Variants in DNAH14 observed in about 807,000 individuals in gnomAD.
The protein encoded by DNAH14 is dynein axonemal heavy chain 14.
A neutral mutation model predicts 520.9 loss-of-function variants in DNAH14; 478 were observed. That is an observed-to-expected ratio of 0.92 (90% CI 0.85 to 0.99). DNAH14 has a LOEUF of 0.99. Ranked by LOEUF, DNAH14 falls within the 50% of genes least tolerant of loss-of-function variation. The probability of loss-of-function intolerance (pLI) is 0.00; values close to 1 mark genes in which losing one functional copy is unlikely to be tolerated. For synonymous variants in DNAH14, 1,581 were observed against 1,757.2 expected (o/e 0.90, Z 2.51); for missense variants, 4,831 against 5,234.5 (o/e 0.92, Z 2.38).
intron 55 of DNAH14, 47 bp from the exon 56 acceptor site, chr1:225,300,822 T>C (rs1428186943): frequency 1.4e-5 from 22 of 1,523,072 alleles, no homozygotes; most frequent in Non-Finnish European, 1.6e-5. Context: ...TAGGGTAGAA[T>C]ATATGAATAA....
chr1:225,154,573 A>G (rs2080847893), intron 34 of DNAH14, among the ~76,000 whole-genome samples: 1 of 152,092 alleles, frequency 6.6e-6, no homozygotes, highest in Non-Finnish European at 1.5e-5. Flanking sequence ...GGCATTTATT[A>G]TATCAAAAAT....
chr1:225,144,708 C>T, intron 29 of DNAH14, 80 bp downstream of exon 29: 1 of 1,105,580 alleles, frequency 9.0e-7, no homozygotes, highest in Non-Finnish European at 1.3e-6. Context: ...AAATTTACAC[C>T]ATTCCTGCTA....
intron 54 of DNAH14, among the ~76,000 whole-genome samples, chr1:225,283,143 G>GA (rs1241737948): frequency 6.6e-6 from 1 of 150,952 alleles, no homozygotes; most frequent in African/African-American, 2.4e-5. Context: ...GAAACAAAGG[G>GA]AAAAAAAATG....
At chr1:225,203,848 C>A (rs2087183635) in intron 38 of DNAH14, among the ~76,000 whole-genome samples, 1 of 152,000 alleles carries the variant, frequency 6.6e-6, no homozygotes, top group African/African-American at 2.4e-5. Context: ...AAAAAATACA[C>A]CAAAATATGT....
intron 1 of DNAH14, among the ~76,000 whole-genome samples, chr1:224,946,206 C>G (rs1270129570): frequency 2.0e-5 from 3 of 152,166 alleles, no homozygotes; most frequent in Non-Finnish European, 4.4e-5. Context: ...GCGCCCCTCC[C>G]TCAGTCTCAC....
At chr1:224,979,886 T>A (rs2501136) in intron 8 of DNAH14, among the ~76,000 whole-genome samples, 14,573 of 152,150 alleles carry the variant, frequency 0.096, 2,257 homozygotes, top group African/African-American at 0.33. Context: ...AGACATACCC[T>A]GGACTAGAAG....
chr1:225,145,485 T>A (rs2079849716), intron 30 of DNAH14, 106 bp downstream of exon 30: 2 of 904,190 alleles, frequency 2.2e-6, no homozygotes, highest in Admixed American at 6.4e-5. Context: ...GAGACAAACA[T>A]CAAGTATTAA....
At position 225,097,011 on chromosome 1, in the gene DNAH14, G is replaced by A. The variant is rs12047694; in HGVS notation, c.3574-107G>A. 2.6e-4 allele frequency: 239 copies of A among 907,876 alleles called. 1 individual carries two copies. In the East Asian group the frequency reaches 6.4e-3, roughly 24 times the overall value. The allele number at this position is 907,876 out of a possible 1,614,324, so 56.2% of individuals were successfully genotyped here. A position where few individuals can be genotyped will look rare whatever the true frequency, so the allele number is the denominator to read the frequency against. On this transcript the variant is annotated intron_variant, in intron 21 of 85. Coordinates refer to ENST00000682510, the MANE Select transcript of DNAH14 (RefSeq NM_001367479.1). ...TGTGACTTTCTATTAATTATTTTCT[G>A]TATGTCAATGACTGATAATCACCTT...
At chr1:225,076,622 G>A (rs2072310317) in intron 17 of DNAH14, among the ~76,000 whole-genome samples, 1 of 152,070 alleles carries the variant, frequency 6.6e-6, no homozygotes, top group South Asian at 2.1e-4. Context: ...AATTTCTATA[G>A]TAAGAAAAAT....
intron 21 of DNAH14, among the ~76,000 whole-genome samples, chr1:225,090,126 A>C (rs368818559): frequency 6.6e-6 from 1 of 152,218 alleles, no homozygotes; most frequent in Non-Finnish European, 1.5e-5. Context: ...ATTAGTATAC[A>C]AAGTCAAATT....
At chr1:225,349,822 G>A (rs192512288) in intron 71 of DNAH14, among the ~76,000 whole-genome samples, 19 of 152,202 alleles carry the variant, frequency 1.2e-4, no homozygotes, top group Admixed American at 1.1e-3. Flanking sequence ...AAATTGAAGG[G>A]AGAAATAAGA....
chr1:224,934,041 T>A (rs1411066832), intron 1 of DNAH14, among the ~76,000 whole-genome samples: 4 of 151,902 alleles, frequency 2.6e-5, no homozygotes, highest in Non-Finnish European at 5.9e-5. Context: ...GAAAAGTCCT[T>A]CCCTATGAAA....
In DNAH14 at chr1:225,141,013, G is replaced by T. The variant is rs1357793070; in HGVS notation, c.4500G>T (p.Glu1500Asp). 6.5e-7 allele frequency: 1 copy of T among 1,543,706 alleles called. No individual in the cohort carries two copies. The highest frequency in any genetic ancestry group is 1.2e-5 in the South Asian group (1 of 82,740). The change falls in exon 28 of 86, where the codon GAG becomes GAT. Residue 1500 changes from glutamate to aspartate, a missense_variant. By Grantham distance (45) the Glu-to-Asp change is conservative. Transcript: ENST00000682510. ...LKNIFNAEDF[E>D]WTRHLQYKWN... Reference sequence around the variant, plus strand: ...ATATCTTCAATGCAGAGGATTTTGAGTGGACAAGGTAGGTGGATCTAAATT... The same window carrying T: ...ATATCTTCAATGCAGAGGATTTTGATTGGACAAGGTAGGTGGATCTAAATT...
intron 44 of DNAH14, among the ~76,000 whole-genome samples, chr1:225,256,832 G>A (rs1022477227): frequency 1.3e-5 from 2 of 151,956 alleles, no homozygotes; most frequent in Admixed American, 6.6e-5. Flanking sequence ...CAGATTACAA[G>A]AGCTAATTTG....
chr1:225,219,984 G>T (rs1455643191), intron 41 of DNAH14, among the ~76,000 whole-genome samples: 1 of 152,128 alleles, frequency 6.6e-6, no homozygotes, highest in Non-Finnish European at 1.5e-5. Context: ...TCATCTCTGG[G>T]ATGCAAGGCT....
chr1:225,392,691 A>G (rs1270968172), intron 84 of DNAH14, among the ~76,000 whole-genome samples: 2 of 152,258 alleles, frequency 1.3e-5, no homozygotes, highest in East Asian at 3.8e-4. Context: ...AATGTAATCA[A>G]CAGACTTTCT....
intron 10 of DNAH14, among the ~76,000 whole-genome samples, chr1:225,013,303 G>A (rs2064950293): frequency 6.6e-6 from 1 of 152,116 alleles, no homozygotes; most frequent in South Asian, 2.1e-4. Flanking sequence ...GGAGGCTGCA[G>A]AACAGCAAAG....
chr1:225,052,650 A>C (rs1448124274), intron 17 of DNAH14, among the ~76,000 whole-genome samples: 2 of 152,202 alleles, frequency 1.3e-5, no homozygotes, highest in Non-Finnish European at 2.9e-5. Flanking sequence ...CAGGTGAACA[A>C]TCACAGACAA....
Position 225,049,313 on chromosome 1 carries a change from G to A in DNAH14, c.1913-897G>A, listed in dbSNP as rs143082178. On this transcript the variant is annotated intron_variant, in intron 15 of 85. Transcript: ENST00000682510. ...CCTGACCTGGTGATCCACCCACCTC[G>A]GCCTCCCAAAGTGCTGGGATTACAT... Among the ~76,000 whole-genome samples, 717 of 151,642 alleles carry A rather than the reference G, an allele frequency of 4.7e-3. 4 individuals carry two copies. The highest frequency in any genetic ancestry group is 0.016 in the African/African-American group (671 of 41,318).
Sources: allele counts gnomAD v4.1 joint callset (sites outside exome capture counted in the v4.1 genomes callset), GRCh38; gene constraint gnomAD v4.1.1; transcripts MANE v1.5; gene names NCBI Gene and HGNC (gene_info 2026-07-23, HGNC 2026-07-21).